Variants in ARHGAP29 observed in about 807,000 individuals in gnomAD.
ARHGAP29 encodes the protein rho GTPase-activating protein 29.
A neutral mutation model predicts 122.6 loss-of-function variants in ARHGAP29; 43 were observed. The observed-to-expected ratio is 0.35, with a 90% CI of 0.27 to 0.45. The LOEUF is 0.45. ARHGAP29 is among the 20% of genes least tolerant of loss of function. ARHGAP29 has a pLI of 1.00. For synonymous variants in ARHGAP29, 506 were observed against 497.1 expected (o/e 1.02, Z -0.24); for missense variants, 1,303 against 1,477.2 (o/e 0.88, Z 1.93).
chr1:94,245,894 A>C (rs1653777428), intron 1 of ARHGAP29, among the ~76,000 whole-genome samples: 1 of 152,232 alleles, frequency 6.6e-6, no homozygotes. Context: ...AGCAGTGGCT[A>C]TAAAAGCCCA....
intron 1 of ARHGAP29, among the ~76,000 whole-genome samples, chr1:94,263,395 T>TA (rs35165466): frequency 0.61 from 90,959 of 148,360 alleles, 27,555 homozygotes; most frequent in Middle Eastern, 0.78. Context: ...ACTTAAAAGT[T>TA]AAAAAAAAAA....
intron 1 of ARHGAP29, among the ~76,000 whole-genome samples, chr1:94,254,064 G>A (rs576270759): frequency 1.3e-5 from 2 of 152,244 alleles, no homozygotes; most frequent in South Asian, 4.1e-4. Context: ...TATCTCAATA[G>A]CTGACAATGT....
At position 94,179,816 on chromosome 1, in the gene ARHGAP29, T is replaced by A; in HGVS notation, c.2389A>T (p.Asn797Tyr). ...TCTTTGCTTTTTAGAAGAATTCGGT[T>A]TATTTCTATACACATATTTGGCCAT... ...KKWPNMCIEI[N>Y]RILLKSKDLL... Residue 797 changes from asparagine (N) to tyrosine (Y), a missense_variant, in exon 20 of 23, where the codon AAC becomes TAC. By Grantham distance (143) the Asn-to-Tyr change is moderately radical. Transcript: ENST00000260526. 1 of 1,613,604 alleles carries A rather than the reference T, an allele frequency of 6.2e-7. No homozygotes were observed. Among genetic ancestry groups the A allele is most frequent in the Non-Finnish European group, 8.5e-7 (1 of 1,179,764 alleles).
chr1:94,259,837 T>C (rs1295522943), intron 1 of ARHGAP29, among the ~76,000 whole-genome samples: 2 of 152,186 alleles, frequency 1.3e-5, no homozygotes, highest in African/African-American at 4.8e-5. Context: ...AATACTAAAA[T>C]GCCCTTTCAA....
intron 10 of ARHGAP29, 69 bp downstream of exon 10, chr1:94,202,849 G>A: frequency 1.3e-6 from 2 of 1,537,906 alleles, no homozygotes; most frequent in Non-Finnish European, 1.8e-6. Flanking sequence ...AGCAAGGAAG[G>A]TCAGTATATA....
At chr1:94,174,870 ATT>A in intron 22 of ARHGAP29, 121 bp from the exon 23 acceptor site, 1 of 1,101,130 alleles carries the variant, frequency 9.1e-7, no homozygotes, top group Non-Finnish European at 1.3e-6. Context: ...CCAAAATAAT[ATT>A]CTCAGTTACC....
chr1:94,197,173 T>C (rs1650530123), intron 12 of ARHGAP29, among the ~76,000 whole-genome samples: 1 of 151,558 alleles, frequency 6.6e-6, no homozygotes, highest in African/African-American at 2.4e-5. Context: ...GTATCGGGAA[T>C]GAAAGAGAGG....
At chr1:94,273,121 A>G (rs972894031) in intron 1 of ARHGAP29, among the ~76,000 whole-genome samples, 2 of 152,202 alleles carry the variant, frequency 1.3e-5, no homozygotes, top group Non-Finnish European at 2.9e-5. Context: ...TACTTAAAGG[A>G]TTGAAAGTGG....
At chr1:94,213,910 T>C (rs375248720) in intron 3 of ARHGAP29, among the ~76,000 whole-genome samples, 3 of 152,154 alleles carry the variant, frequency 2.0e-5, no homozygotes, top group East Asian at 3.9e-4. Flanking sequence ...AACCTATCAG[T>C]CAAAATTAGA....
At chr1:94,198,585 C>A (rs1213594760) in intron 12 of ARHGAP29, among the ~76,000 whole-genome samples, 1 of 152,094 alleles carries the variant, frequency 6.6e-6, no homozygotes, top group Non-Finnish European at 1.5e-5. Context: ...CAATAGCCCC[C>A]CCAAATAAAC....
At chr1:94,214,798 G>A (rs553408247) in intron 3 of ARHGAP29, among the ~76,000 whole-genome samples, 1 of 152,218 alleles carries the variant, frequency 6.6e-6, no homozygotes, top group African/African-American at 2.4e-5. Context: ...CACCTGAATA[G>A]CTTTCATTCA....
In ARHGAP29 at chr1:94,256,536, C is replaced by CTTTTTTTTTTTTTTTTTTTT. The variant is rs530295333; in HGVS notation, c.-33+18456_-33+18475dup. On this transcript the variant is annotated intron_variant and NMD_transcript_variant, in intron 1 of 25. Coordinates refer to the ARHGAP29 transcript ENST00000552844. ...CAGAAATAGATTTAACAGTACTAAT[C>CTTTTTTTTTTTTTTTTTTTT]TTTTTTTTTTTTTTTTTTTTTTTTT... Among the ~76,000 whole-genome samples the CTTTTTTTTTTTTTTTTTTTT allele has an allele frequency of 1.8e-4, 8 of 45,296 alleles. 3 individuals carry two copies. The highest frequency in any genetic ancestry group is 4.7e-4 in the African/African-American group (5 of 10,604). The allele number at this position is 45,296 out of a possible 152,430, so 29.7% of individuals were successfully genotyped here.
intron 1 of ARHGAP29, among the ~76,000 whole-genome samples, chr1:94,261,877 T>C (rs1654570171): frequency 6.6e-6 from 1 of 152,168 alleles, no homozygotes; most frequent in Non-Finnish European, 1.5e-5. Flanking sequence ...CTACTGATAA[T>C]GTTCTTCACA....
the ARHGAP29 span, chr1:94,302,030 G>C: frequency 4.4e-6 from 1 of 225,810 alleles, no homozygotes; most frequent in Non-Finnish European, 9.0e-6. Context: ...CTATGTCCCT[G>C]AAACACCATG....
the ARHGAP29 span, among the ~76,000 whole-genome samples, chr1:94,283,087 GA>G: frequency 3.0e-4 from 46 of 151,682 alleles, no homozygotes; most frequent in African/African-American, 9.7e-4. Context: ...TAACCTTAAG[GA>G]AAAAAAATAC....
Position 94,172,612 on chromosome 1 carries a change from G to GATATACAT in ARHGAP29, c.*1256_*1257insATGTATAT, listed in dbSNP as rs1553201662. 4.1e-5 allele frequency: 6 copies of GATATACAT among 145,060 alleles called. No individual in the cohort carries two copies. Among genetic ancestry groups the GATATACAT allele is most frequent in the Admixed American group, 2.1e-4 (3 of 14,422 alleles). 9.0% of individuals were successfully genotyped at this position (145,060 alleles called of 1,614,324 possible). On this transcript the variant is annotated 3_prime_UTR_variant, in exon 23 of 23. Coordinates refer to ENST00000260526, the MANE Select transcript of ARHGAP29 (RefSeq NM_004815.4). ...GGAACATGAAATAATTTAACAAGTT[G>GATATACAT]ATATATATATATATATATATTATCA...
At position 94,208,899 on chromosome 1, in the gene ARHGAP29, G is replaced by A. The variant is rs775510708; in HGVS notation, c.443C>T (p.Thr148Ile). 4.3e-6 allele frequency: 7 copies of A among 1,613,662 alleles called. No individual in the cohort carries two copies. In the South Asian group the frequency reaches 7.7e-5, roughly 18 times the overall value. The change falls in exon 5 of 23, where the codon ACA becomes ATA. Residue 148 changes from threonine (T) to isoleucine (I), a missense_variant. Physicochemically the swap from Thr to Ile is moderately conservative, Grantham distance 89 (BLOSUM62 -1). Transcript: ENST00000260526. ...TLAFTFGNIL[T>I]NFLMGDVGND... ...GCCTACATCTCCCATAAGGAAGTTT[G>A]TAAGGCTATCCAAGGAGGTTAAAAA...
chr1:94,217,369 A>G (rs1397170313), intron 3 of ARHGAP29, among the ~76,000 whole-genome samples: 2 of 152,046 alleles, frequency 1.3e-5, no homozygotes, highest in African/African-American at 4.8e-5. Context: ...TCTCATCTCT[A>G]CTAAAAATAC....
chr1:94,191,105 T>C (rs939800573), intron 12 of ARHGAP29: 3 of 152,114 alleles, frequency 2.0e-5, no homozygotes, highest in African/African-American at 7.2e-5. Context: ...GGTTGAAGTA[T>C]ATGGAAAGAG....
Sources: gnomAD v4.1 joint callset for allele counts (sites outside exome capture counted in the v4.1 genomes callset) on GRCh38, gnomAD v4.1.1 for gene constraint, MANE v1.5 for transcripts, NCBI Gene and HGNC (gene_info 2026-07-23, HGNC 2026-07-21) for gene names.